The following TTC17 variants were observed in gnomAD, a reference collection of about 807,000 sequenced individuals.
The protein encoded by TTC17 is tetratricopeptide repeat domain 17.
In TTC17, 58 loss-of-function variants were observed where a neutral mutation model predicts 143.8. That is an observed-to-expected ratio of 0.40 (90% CI 0.33 to 0.50). The LOEUF is 0.50. Ranked by LOEUF, TTC17 falls within the 20% of genes least tolerant of loss-of-function variation. The probability of loss-of-function intolerance (pLI) is 0.49; values close to 1 mark genes in which losing one functional copy is unlikely to be tolerated. For synonymous variants in TTC17, 501 were observed against 497.8 expected, an observed-to-expected ratio of 1.01 and a Z score of -0.09; for missense variants, 1,273 against 1,392.5, an observed-to-expected ratio of 0.91 and a Z score of 1.37.
rs533966835 is a variant in TTC17 at position 43,479,714 on chromosome 11, G to A, written c.3031-10525G>A. Among the ~76,000 whole-genome samples the A allele has an allele frequency of 2.0e-5, 3 of 152,278 alleles. No homozygotes were observed. The South Asian group carries it at 6.2e-4, about 32-fold the overall frequency. On this transcript the variant is annotated intron_variant, in intron 21 of 23. Transcript: ENST00000039989. ...AAATTTGATTTAGAGAATTGATGACGTTGTAGAGGGCTGAAAGAGAAAAAG... is the reference window on the plus strand; with the variant it reads ...AAATTTGATTTAGAGAATTGATGACATTGTAGAGGGCTGAAAGAGAAAAAG...
At chr11:43,491,856 C>T in intron 22 of TTC17, 164 bp from the exon 23 acceptor site, 2 of 759,104 alleles carry the variant, frequency 2.6e-6, no homozygotes, top group South Asian at 4.6e-5. Flanking sequence ...GTACAAGCAC[C>T]TTATCTATCA....
chr11:43,489,397 G>T (rs1021419863), intron 21 of TTC17, among the ~76,000 whole-genome samples: 18 of 152,250 alleles, frequency 1.2e-4, no homozygotes, highest in African/African-American at 4.1e-4. Context: ...CTGTGATGGG[G>T]CTATAAGGAA....
At chr11:43,381,249 A>C (rs1037455638) in intron 2 of TTC17, among the ~76,000 whole-genome samples, 1 of 152,208 alleles carries the variant, frequency 6.6e-6, no homozygotes, top group African/African-American at 2.4e-5. Flanking sequence ...TGCCAGGTAA[A>C]ATATAAAAAT....
chr11:43,405,968 C>G lies in TTC17; in HGVS notation c.1761+17C>G, dbSNP rs200395867. The G allele has an allele frequency of 1.2e-6, 2 of 1,607,748 alleles. No individual in the cohort carries two copies. Among genetic ancestry groups the G allele is most frequent in the African/African-American group, 2.7e-5 (2 of 74,564 alleles). Reference sequence around the variant, plus strand: ...GCACGAAAAGTAAGGCTCACTTAGGCTGGTATTTATTGCCGTCCATTCTGG... The same window carrying G: ...GCACGAAAAGTAAGGCTCACTTAGGGTGGTATTTATTGCCGTCCATTCTGG... On this transcript the variant is annotated intron_variant, in intron 13 of 23. Transcript: ENST00000039989.
chr11:43,405,323 C>CTG (rs1051119357), intron 11 of TTC17, among the ~76,000 whole-genome samples, 191 bp from the exon 12 acceptor site: 6 of 152,038 alleles, frequency 3.9e-5, no homozygotes, highest in African/African-American at 1.4e-4. Context: ...CTGAACCAGT[C>CTG]TGTGGTAAAG....
chr11:43,385,324 A>C (rs1294980116), intron 2 of TTC17, among the ~76,000 whole-genome samples: 1 of 152,232 alleles, frequency 6.6e-6, no homozygotes, highest in African/African-American at 2.4e-5. Flanking sequence ...CAGGATATAA[A>C]GGAAATAATT....
At chr11:43,359,258 G>C (rs1434032951) in intron 1 of TTC17, 145 bp downstream of exon 1, 8 of 1,045,232 alleles carry the variant, frequency 7.7e-6, no homozygotes, top group Non-Finnish European at 1.1e-5. Context: ...CGGACTCCCT[G>C]CATTCGGACC....
chr11:43,410,660 T>C (rs1005014987), intron 15 of TTC17, among the ~76,000 whole-genome samples: 3 of 152,216 alleles, frequency 2.0e-5, no homozygotes, highest in Admixed American at 6.5e-5. Flanking sequence ...CAGACTCCTT[T>C]ATTCAACAGC....
chr11:43,379,262 T>G lies in TTC17; in HGVS notation c.189T>G (p.Pro63=), dbSNP rs1856873440. ...ATTCACCAATGAACTTGAAGCATCCTCATGACCTAGTCATATTAATGAGAC... is the reference window on the plus strand; with the variant it reads ...ATTCACCAATGAACTTGAAGCATCCGCATGACCTAGTCATATTAATGAGAC... ...QVDSPMNLKH[P]HDLVILMRQE... The change falls in exon 2 of 24, where the codon CCT becomes CCG. Residue 63 remains proline (P), a synonymous_variant. Coordinates refer to ENST00000039989, the MANE Select transcript of TTC17 (RefSeq NM_018259.6). 2 of 1,612,834 alleles carry G rather than the reference T, an allele frequency of 1.2e-6. No individual in the cohort carries two copies. The highest frequency in any genetic ancestry group is 1.7e-6 in the Non-Finnish European group (2 of 1,179,662).
intron 5 of TTC17, among the ~76,000 whole-genome samples, chr11:43,392,288 C>T (rs940991721): frequency 2.6e-5 from 4 of 152,124 alleles, no homozygotes; most frequent in African/African-American, 9.7e-5. Context: ...TATCTATACA[C>T]AATACATGTA....
chr11:43,377,926 CAG>C (rs1301219046), intron 1 of TTC17, among the ~76,000 whole-genome samples: 1 of 151,884 alleles, frequency 6.6e-6, no homozygotes, highest in Admixed American at 6.6e-5. Flanking sequence ...TTTTTTGAGA[CAG>C]AGTCTCGCTC....
Position 43,397,490 on chromosome 11 carries a change from CAG to C in TTC17, c.918_918+1del. 6.2e-7 allele frequency: 1 copy of C among 1,608,374 alleles called. No homozygotes were observed. The highest frequency in any genetic ancestry group is 1.7e-5 in the Admixed American group (1 of 59,602). On this transcript the variant is annotated splice_donor_variant and coding_sequence_variant, in exon 7 of 24. Transcript: ENST00000039989. LOFTEE classifies it high-confidence loss of function. Reference sequence around the variant, plus strand: ...TATTACACTTTGGGGAATATATATGCAGTAAGTACTACTCTTTGTTTCATGAG... The same window carrying C: ...TATTACACTTTGGGGAATATATATGCTAAGTACTACTCTTTGTTTCATGAG...
At chr11:43,406,458 A>G (rs545484347) in intron 13 of TTC17, among the ~76,000 whole-genome samples, 1 of 152,214 alleles carries the variant, frequency 6.6e-6, no homozygotes, top group South Asian at 2.1e-4. Flanking sequence ...TTAATTATAT[A>G]TAACTACGAG....
Position 43,401,426 on chromosome 11 carries a change from A to G in TTC17, c.1220-20A>G. On this transcript the variant is annotated intron_variant, in intron 9 of 23. Coordinates refer to ENST00000039989, the MANE Select transcript of TTC17 (RefSeq NM_018259.6). ...TGTTGACCTTGCTCATCATTTGTGT[A>G]ATTTCCTTTCTTATTCCAGGAAATC... 2 of 1,544,358 alleles carry G rather than the reference A, an allele frequency of 1.3e-6. No homozygotes were observed. The highest frequency in any genetic ancestry group is 1.2e-5 in the South Asian group (1 of 85,528).
At chr11:43,492,422 TAC>T (rs1278173270) in intron 23 of TTC17, among the ~76,000 whole-genome samples, 2 of 152,194 alleles carry the variant, frequency 1.3e-5, no homozygotes, top group African/African-American at 2.4e-5. Flanking sequence ...CAGATTTACC[TAC>T]AGTTTCCTGG....
chr11:43,371,090 G>A (rs1856553077), intron 1 of TTC17, among the ~76,000 whole-genome samples: 1 of 152,016 alleles, frequency 6.6e-6, no homozygotes, highest in South Asian at 2.1e-4. Flanking sequence ...TAAGATTACA[G>A]GTGTGAACCA....
intron 2 of TTC17, among the ~76,000 whole-genome samples, chr11:43,385,959 C>T (rs1246207692): frequency 6.6e-6 from 1 of 151,476 alleles, no homozygotes; most frequent in South Asian, 2.1e-4. Context: ...GATGAAAAAG[C>T]AGATATCAGA....
At chr11:43,489,191 T>C (rs986228035) in intron 21 of TTC17, among the ~76,000 whole-genome samples, 9 of 152,134 alleles carry the variant, frequency 5.9e-5, no homozygotes, top group Non-Finnish European at 1.0e-4. Context: ...ATAAAGAACT[T>C]TTTACCAACA....
In TTC17 at chr11:43,450,207, G is replaced by A. The variant is rs138115777; in HGVS notation, c.2912G>A (p.Ser971Asn). The A allele has an allele frequency of 1.4e-4, 230 of 1,614,136 alleles. No homozygotes were observed. Among genetic ancestry groups the A allele is most frequent in the Non-Finnish European group, 1.8e-4 (209 of 1,179,998 alleles). ...TTGCATGGGGTTTCCAACCGAGCCAGCCTGCACTACACAGGGGAGAGTCAG... is the reference window on the plus strand; with the variant it reads ...TTGCATGGGGTTTCCAACCGAGCCAACCTGCACTACACAGGGGAGAGTCAG... The part of the protein sequence containing the change: ...DHLHGVSNRA[S>N]LHYTGESQLT... The change falls in exon 20 of 24, where the codon AGC (serine) becomes AAC (asparagine). Residue 971 changes from serine to asparagine, a missense_variant. Around this residue, in one of 3 missense-constraint regions of TTC17, gnomAD observed 878 missense variants for 899.8 expected, o/e 0.98. Transcript: ENST00000039989.
Sources: gnomAD v4.1 joint callset for allele counts (sites outside exome capture counted in the v4.1 genomes callset) on GRCh38, gnomAD v4.1.1 for gene constraint, gnomAD v4.1.1 regional missense constraint, MANE v1.5 for transcripts, NCBI Gene and HGNC (gene_info 2026-07-23, HGNC 2026-07-21) for gene names.